Variants in TJP1 observed in about 807,000 individuals in gnomAD.
TJP1 encodes the protein tight junction protein ZO-1.
TJP1 carries 43 observed loss-of-function variants against 194.2 expected under a neutral mutation model. That is an observed-to-expected ratio of 0.22 (90% confidence interval 0.17 to 0.29). The LOEUF (loss-of-function observed/expected upper bound fraction) is 0.29, where lower values mean the gene tolerates loss of function less well. TJP1 is among the 10% of genes least tolerant of loss of function. The pLI, the probability that TJP1 is intolerant of heterozygous loss-of-function variation, is 1.00. For synonymous variants in TJP1, 801 were observed against 779.0 expected (o/e 1.03, Z -0.47); for missense variants, 1,971 against 2,185.7 (o/e 0.90, Z 1.96).
At chr15:29,779,555 C>T (rs12901199) in intron 2 of TJP1, among the ~76,000 whole-genome samples, 8 of 152,178 alleles carry the variant, frequency 5.3e-5, no homozygotes, top group African/African-American at 1.9e-4. Flanking sequence ...TCAATATATT[C>T]GTATACATCT....
chr15:29,821,294 C>A (rs41280062), intron 1 of TJP1: 1 of 152,110 alleles, frequency 6.6e-6, no homozygotes, highest in Non-Finnish European at 1.5e-5. Flanking sequence ...CTGAACTCAC[C>A]GGCCTTTACT....
intron 2 of TJP1, among the ~76,000 whole-genome samples, chr15:29,776,487 G>A (rs915937516): frequency 6.6e-6 from 1 of 152,078 alleles, no homozygotes; most frequent in Admixed American, 6.5e-5. Context: ...AGGTAATTAC[G>A]AAAATTCATG....
intron 4 of TJP1, among the ~76,000 whole-genome samples, chr15:29,769,789 A>G (rs904542050): frequency 1.3e-5 from 2 of 152,216 alleles, no homozygotes; most frequent in African/African-American, 4.8e-5. Flanking sequence ...GTGGAATAGA[A>G]GTGTAGCAGA....
At chr15:29,765,980 T>C (rs1164800172) in intron 5 of TJP1, among the ~76,000 whole-genome samples, 1 of 152,224 alleles carries the variant, frequency 6.6e-6, no homozygotes, top group Non-Finnish European at 1.5e-5. Context: ...TGAATTTCCA[T>C]TTGGTGATGG....
chr15:29,820,671 C>A, intron 1 of TJP1: 1 of 645,006 alleles, frequency 1.6e-6, no homozygotes, highest in South Asian at 1.8e-5. Flanking sequence ...CAAAGCCTTT[C>A]CTCCTAGGAA....
At chr15:29,895,221 A>G (rs1222999120) in intron 2 of TJP1, among the ~76,000 whole-genome samples, 1 of 152,222 alleles carries the variant, frequency 6.6e-6, no homozygotes, top group East Asian at 1.9e-4. Context: ...CAGTATGGAC[A>G]GGTTTAGAAT....
chr15:29,797,506 G>C (rs759064312), intron 2 of TJP1, among the ~76,000 whole-genome samples: 1 of 143,008 alleles, frequency 7.0e-6, no homozygotes, highest in African/African-American at 2.6e-5. Flanking sequence ...TTAAGAGAAA[G>C]AAAAGGCAAA....
chr15:29,821,092 CTTTG>C (rs2050305911), intron 1 of TJP1, among the ~76,000 whole-genome samples: 2 of 152,152 alleles, frequency 1.3e-5, no homozygotes, highest in Admixed American at 6.5e-5. Flanking sequence ...TTCTGTATTC[CTTTG>C]TTTGAAATAA....
At chr15:29,928,815 G>C (rs1027120671) in intron 2 of TJP1, among the ~76,000 whole-genome samples, 1 of 151,952 alleles carries the variant, frequency 6.6e-6, no homozygotes, top group African/African-American at 2.4e-5. Context: ...GGTGGTGGGC[G>C]CCTGTAGTCC....
At chr15:29,821,707 C>G (rs2050363613) in intron 1 of TJP1, among the ~76,000 whole-genome samples, 1 of 152,070 alleles carries the variant, frequency 6.6e-6, no homozygotes, top group Non-Finnish European at 1.5e-5. Context: ...TGTCCCCGCC[C>G]TCAGCGAGCC....
At chr15:29,875,711 C>T (rs901123814) in intron 2 of TJP1, among the ~76,000 whole-genome samples, 3 of 152,138 alleles carry the variant, frequency 2.0e-5, no homozygotes, top group Admixed American at 6.5e-5. Flanking sequence ...GGATTACAGG[C>T]GTGCGCCACC....
At chr15:29,794,821 T>C (rs2048304466) in intron 2 of TJP1, among the ~76,000 whole-genome samples, 1 of 151,888 alleles carries the variant, frequency 6.6e-6, no homozygotes, top group Admixed American at 6.6e-5. Context: ...AAAAAAACTA[T>C]CAAAAGAGCT....
intron 2 of TJP1, among the ~76,000 whole-genome samples, chr15:29,794,680 C>T (rs2048294279): frequency 6.6e-6 from 1 of 152,128 alleles, no homozygotes; most frequent in Non-Finnish European, 1.5e-5. Context: ...GGGAAACATA[C>T]TTTAGCTAAT....
chr15:29,774,954 A>C, intron 2 of TJP1, among the ~76,000 whole-genome samples: 1 of 151,914 alleles, frequency 6.6e-6, no homozygotes, highest in Non-Finnish European at 1.5e-5. Context: ...CAGTTACTTC[A>C]GGTCAACTGC....
intron 2 of TJP1, among the ~76,000 whole-genome samples, chr15:29,914,162 G>C (rs1047589384): frequency 6.6e-6 from 1 of 152,162 alleles, no homozygotes; most frequent in Non-Finnish European, 1.5e-5. Flanking sequence ...CATATGACTT[G>C]AGGATTTTTG....
chr15:29,905,243 T>C (rs184215159), intron 2 of TJP1, among the ~76,000 whole-genome samples: 163 of 152,320 alleles, frequency 1.1e-3, no homozygotes, highest in Non-Finnish European at 1.7e-3. Flanking sequence ...CTTGCCACAA[T>C]TGCAAATGAC....
intron 2 of TJP1, among the ~76,000 whole-genome samples, chr15:29,903,980 G>T (rs1408989903): frequency 6.6e-6 from 1 of 152,258 alleles, no homozygotes; most frequent in Non-Finnish European, 1.5e-5. Context: ...AGTGCCTGGA[G>T]GCAGCCCCAT....
At position 29,742,719 on chromosome 15, in the gene TJP1, T is replaced by C; in HGVS notation, c.1073A>G (p.His358Arg). 1 of 1,609,928 alleles carries C rather than the reference T, an allele frequency of 6.2e-7. No individual in the cohort carries two copies. The highest frequency in any genetic ancestry group is 8.5e-7 in the Non-Finnish European group (1 of 1,178,410). Residue 358 changes from histidine to arginine, a missense_variant, in exon 9 of 28, where the codon CAT (histidine) becomes CGT (arginine). By Grantham distance (29) the His-to-Arg change is conservative. Around this residue, in one of 5 missense-constraint regions of TJP1, gnomAD observed 192 missense variants for 182.3 expected, o/e 1.05. Transcript: ENST00000614355. ...KPGAVSTPVKHADDHTPKTVE... is the reference protein window; with the variant it reads ...KPGAVSTPVKRADDHTPKTVE... The stretch of plus-strand genomic sequence containing the variant: ...TGTTTTAGGTGTGTGATCATCAGCA[T>C]GCTTTACAGGAGTTGAGACAGCCCC...
rs1453001870 is a variant in TJP1, at chr15:29,726,936, G to C, written c.2156C>G (p.Ala719Gly). ...TPNAVDRLNY[A>G]QWYPIVVFLN... ...AAATACAACAATTGGATACCACTGG[G>C]CATAGTTAAGACGATCAACTGCATT... The change falls in exon 17 of 28, where the codon GCC becomes GGC. Residue 719 changes from alanine to glycine, a missense_variant. By Grantham distance (60) the Ala-to-Gly change is moderately conservative. Transcript: ENST00000614355. The C allele has an allele frequency of 3.7e-6, 6 of 1,614,020 alleles. No individual in the cohort carries two copies. Among genetic ancestry groups the C allele is most frequent in the African/African-American group, 1.3e-5 (1 of 74,910 alleles).
Sources: gnomAD v4.1 joint callset for allele counts (sites outside exome capture counted in the v4.1 genomes callset) on GRCh38, gnomAD v4.1.1 for gene constraint, gnomAD v4.1.1 regional missense constraint, MANE v1.5 for transcripts, NCBI Gene and HGNC (gene_info 2026-07-23, HGNC 2026-07-21) for gene names.